The following TJP1 variants were observed in gnomAD, a reference collection of about 807,000 sequenced individuals.
TJP1 encodes the protein tight junction protein ZO-1.
A neutral mutation model predicts 194.2 loss-of-function variants in TJP1; 43 were observed. The observed-to-expected ratio is 0.22, with a 90% CI of 0.17 to 0.29. The LOEUF (loss-of-function observed/expected upper bound fraction) is 0.29, where lower values mean the gene tolerates loss of function less well. Ranked by LOEUF, TJP1 falls within the 10% of genes least tolerant of loss-of-function variation. The pLI is 1.00. For synonymous variants in TJP1, 801 were observed against 779.0 expected, an observed-to-expected ratio of 1.03 and a Z score of -0.47; for missense variants, 1,971 against 2,185.7, an observed-to-expected ratio of 0.90 and a Z score of 1.96.
At chr15:29,953,733 T>A (rs902313500) in intron 2 of TJP1, among the ~76,000 whole-genome samples, 15 of 152,092 alleles carry the variant, frequency 9.9e-5, no homozygotes, top group African/African-American at 3.4e-4. Context: ...ACGCATGACC[T>A]CAAAAACCTG....
At chr15:29,833,369 C>A (rs2050895732) in intron 2 of TJP1, among the ~76,000 whole-genome samples, 1 of 152,056 alleles carries the variant, frequency 6.6e-6, no homozygotes, top group Non-Finnish European at 1.5e-5. Context: ...TTAAATATTT[C>A]TCCATAATAG....
chr15:29,735,816 T>C (rs2043994760), intron 11 of TJP1, among the ~76,000 whole-genome samples: 2 of 152,122 alleles, frequency 1.3e-5, no homozygotes, highest in African/African-American at 2.4e-5. Context: ...AGGTCTGAAG[T>C]CACCATGATG....
Position 29,728,023 on chromosome 15 carries a change from T to A in TJP1, c.2018-4A>T, listed in dbSNP as rs766761562. ...CCAGCGTCTCGTGGTTCACTCTCTA[T>A]TCATTATGTCAGGACAAAAATAAGA... On this transcript the variant is annotated splice_region_variant and splice_polypyrimidine_tract_variant and intron_variant, in intron 15 of 27. Coordinates refer to ENST00000614355, the MANE Select transcript of TJP1 (RefSeq NM_001330239.4). 1.2e-6 allele frequency: 2 copies of A among 1,613,672 alleles called. No individual in the cohort carries two copies. The highest frequency in any genetic ancestry group is 1.7e-6 in the Non-Finnish European group (2 of 1,179,696).
intron 2 of TJP1, among the ~76,000 whole-genome samples, chr15:29,829,995 A>C (rs2050787628): frequency 6.6e-6 from 1 of 152,026 alleles, no homozygotes; most frequent in Non-Finnish European, 1.5e-5. Flanking sequence ...TGGAAACAAA[A>C]ATTCTTACAT....
intron 24 of TJP1, among the ~76,000 whole-genome samples, chr15:29,710,222 G>A (rs765477374): frequency 6.6e-6 from 1 of 151,862 alleles, no homozygotes; most frequent in Non-Finnish European, 1.5e-5. Flanking sequence ...TGTAAACATG[G>A]GCATGTGTGA....
intron 5 of TJP1, among the ~76,000 whole-genome samples, chr15:29,764,249 A>G (rs1056057221): frequency 6.6e-6 from 1 of 152,204 alleles, no homozygotes; most frequent in Non-Finnish European, 1.5e-5. Context: ...GATATACTAA[A>G]GTTAAAACTT....
chr15:29,874,871 A>C (rs2052644473), intron 2 of TJP1, among the ~76,000 whole-genome samples: 1 of 152,244 alleles, frequency 6.6e-6, no homozygotes, highest in African/African-American at 2.4e-5. Flanking sequence ...ACATGCACGT[A>C]CATAAAGTAG....
chr15:29,800,595 C>G (rs897889355), intron 2 of TJP1, 51 bp downstream of exon 2: 2 of 1,577,388 alleles, frequency 1.3e-6, no homozygotes, highest in Non-Finnish European at 1.7e-6. Flanking sequence ...GTTTTCAAAG[C>G]TGCCAGTATC....
intron 1 of TJP1, among the ~76,000 whole-genome samples, chr15:29,959,027 C>T (rs573177569): frequency 6.6e-6 from 1 of 150,776 alleles, no homozygotes; most frequent in Admixed American, 6.6e-5. Flanking sequence ...TCTCGCTGTG[C>T]CTCCCAGGCT....
At chr15:29,936,321 C>T (rs999091575) in intron 2 of TJP1, among the ~76,000 whole-genome samples, 1 of 152,230 alleles carries the variant, frequency 6.6e-6, no homozygotes, top group Non-Finnish European at 1.5e-5. Flanking sequence ...CCACTAAATA[C>T]TGAATAGAGT....
intron 2 of TJP1, among the ~76,000 whole-genome samples, chr15:29,834,980 G>T (rs1177179580): frequency 1.3e-5 from 2 of 152,200 alleles, no homozygotes; most frequent in African/African-American, 4.8e-5. Flanking sequence ...GAAAGAACCT[G>T]ATGGAAATAA....
intron 8 of TJP1, among the ~76,000 whole-genome samples, chr15:29,753,776 T>C (rs1471326946): frequency 1.3e-5 from 2 of 151,274 alleles, no homozygotes; most frequent in Non-Finnish European, 2.9e-5. Context: ...GAATCATATC[T>C]TTCTAACTGG....
At chr15:29,884,308 C>T (rs2053039381) in intron 2 of TJP1, among the ~76,000 whole-genome samples, 1 of 152,172 alleles carries the variant, frequency 6.6e-6, no homozygotes, top group Non-Finnish European at 1.5e-5. Context: ...GTATCAGGAC[C>T]ATCTTGGGGG....
intron 2 of TJP1, among the ~76,000 whole-genome samples, chr15:29,951,077 G>A (rs1329347710): frequency 1.3e-5 from 2 of 152,220 alleles, no homozygotes; most frequent in Non-Finnish European, 2.9e-5. Context: ...TCAATTACAT[G>A]AGGGGTTGAG....
At position 29,900,639 on chromosome 15, in the gene TJP1, T is replaced by C. The variant is rs140586213; in HGVS notation, c.306+55593A>G. 3.3e-5 allele frequency among the ~76,000 whole-genome samples: 5 copies of C among 152,324 alleles called. No homozygotes were observed. In the East Asian group the frequency reaches 9.6e-4, roughly 29 times the overall value. The stretch of plus-strand genomic sequence containing the variant: ...TGGCCTCAACAAGTTACTAGCTGTA[T>C]AAACTGCATACAAACTTGTTTCTGA... On this transcript the variant is annotated intron_variant, in intron 2 of 28. Transcript: ENST00000356107.
At chr15:29,874,856 T>G (rs2052643911) in intron 2 of TJP1, among the ~76,000 whole-genome samples, 1 of 152,200 alleles carries the variant, frequency 6.6e-6, no homozygotes, top group African/African-American at 2.4e-5. Context: ...GCCTAATTGA[T>G]TTTGACATGC....
At chr15:29,752,928 T>C (rs1378259707) in intron 8 of TJP1, among the ~76,000 whole-genome samples, 1 of 152,130 alleles carries the variant, frequency 6.6e-6, no homozygotes, top group Admixed American at 6.5e-5. Flanking sequence ...TCAGGAGCAG[T>C]ACACGCTTTG....
intron 2 of TJP1, among the ~76,000 whole-genome samples, chr15:29,949,562 T>A (rs1292257241): frequency 2.3e-3 from 35 of 15,030 alleles, no homozygotes; most frequent in South Asian, 9.8e-3. Flanking sequence ...AACCACCACC[T>A]CCACTTCCAC....
At position 29,864,237 on chromosome 15, in the gene TJP1, C is replaced by CAAAAAAAAAAAAAAAAAAAAAAAA. The variant is rs397975539; in HGVS notation, c.307-63559_307-63536dup. On this transcript the variant is annotated intron_variant, in intron 2 of 28. Coordinates refer to the TJP1 transcript ENST00000356107. Reference sequence around the variant, plus strand: ...TGAAACCCCGTCTCTACTAAAAATACAAAAAAAAAAAAAAAAAAAAAAAAA... The same window carrying CAAAAAAAAAAAAAAAAAAAAAAAA: ...TGAAACCCCGTCTCTACTAAAAATACAAAAAAAAAAAAAAAAAAAAAAAAAAAAAAAAAAAAAAAAAAAAAAAAA... Among the ~76,000 whole-genome samples the CAAAAAAAAAAAAAAAAAAAAAAAA allele has an allele frequency of 3.7e-4, 7 of 18,942 alleles. 1 individual carries two copies. Among genetic ancestry groups the CAAAAAAAAAAAAAAAAAAAAAAAA allele is most frequent in the African/African-American group, 6.0e-4 (4 of 6,662 alleles). 12.4% of individuals were successfully genotyped at this position (18,942 alleles called of 152,430 possible). A position where few individuals can be genotyped will look rare whatever the true frequency, so the allele number is the denominator to read the frequency against.
Sources: gnomAD v4.1 joint callset for allele counts (sites outside exome capture counted in the v4.1 genomes callset) on GRCh38, gnomAD v4.1.1 for gene constraint, MANE v1.5 for transcripts, NCBI Gene and HGNC (gene_info 2026-07-23, HGNC 2026-07-21) for gene names.